Variants in XIAP observed in about 807,000 individuals in gnomAD.
XIAP encodes X-linked inhibitor of apoptosis, also known as E3 ubiquitin-protein ligase XIAP.
In XIAP, 3 loss-of-function variants were observed where a neutral mutation model predicts 33.1. The ratio of observed to expected loss-of-function variants is 0.09; its 90% CI spans 0.04 to 0.23. XIAP has a LOEUF of 0.23. XIAP is among the 10% of genes least tolerant of loss of function. XIAP has a pLI of 1.00. For missense variants in XIAP, 264 were observed against 363.0 expected, an observed-to-expected ratio of 0.73 and a Z score of 2.22; for synonymous variants, 98 against 121.3, an observed-to-expected ratio of 0.81 and a Z score of 1.26.
At chrX:123,899,241 G>A (rs1390619628) in intron 5 of XIAP, among the ~76,000 whole-genome samples, 1 of 75,391 alleles carries the variant, frequency 1.3e-5, no homozygotes, top group East Asian at 4.0e-4. Flanking sequence ...ATATGATTTT[G>A]TATATATATA....
intron 1 of XIAP, among the ~76,000 whole-genome samples, chrX:123,884,665 C>A (rs928663827): frequency 9.9e-5 from 11 of 110,755 alleles, no homozygotes; most frequent in Non-Finnish European, 1.3e-4. Flanking sequence ...CTGGGGCAAC[C>A]CTGATTTATG....
chrX:123,893,751 G>A (rs773398122), intron 5 of XIAP, among the ~76,000 whole-genome samples: 2 of 111,615 alleles, frequency 1.8e-5, no homozygotes, highest in Non-Finnish European at 3.8e-5. Context: ...CGAGGCGGGA[G>A]AATCGCTTGA....
rs1228366457 is a variant in XIAP at position 123,913,146 on chromosome X, C to T, written c.*5965C>T. On this transcript the variant is annotated 3_prime_UTR_variant, in exon 7 of 7. Coordinates refer to ENST00000371199, the MANE Select transcript of XIAP (RefSeq NM_001167.4). ...CTAGGGGGTCGTGAAACCAAAACCC[C>T]AGGGATAGCAAGGGACAATTGTATC... The T allele has an allele frequency of 3.1e-6, 1 of 326,632 alleles. No individual in the cohort carries two copies. Among genetic ancestry groups the T allele is most frequent in the Non-Finnish European group, 5.9e-6 (1 of 169,533 alleles). The allele number at this position is 326,632 out of a possible 1,213,427, so 26.9% of individuals were successfully genotyped here.
chrX:123,885,703 C>A lies in XIAP; in HGVS notation c.41C>A (p.Pro14His). 8.3e-7 allele frequency: 1 copy of A among 1,210,243 alleles called. No individual in the cohort carries two copies. Among genetic ancestry groups the A allele is most frequent in the Non-Finnish European group, 1.1e-6 (1 of 894,820 alleles). ...TTTGAAGGATCTAAAACTTGTGTAC[C>A]TGCAGACATCAATAAGGAAGAAGAA... ...NSFEGSKTCVPADINKEEEFV... is the reference protein window; with the variant it reads ...NSFEGSKTCVHADINKEEEFV... The change falls in exon 2 of 7, where the codon CCT becomes CAT. Residue 14 changes from proline (P) to histidine (H), a missense_variant. By Grantham distance (77) the Pro-to-His change is moderately conservative (BLOSUM62 -2). Transcript: ENST00000371199.
chrX:123,913,720 T>C lies in XIAP; in HGVS notation c.*6539T>C, dbSNP rs931143349. On this transcript the variant is annotated 3_prime_UTR_variant, in exon 7 of 7. Coordinates refer to ENST00000371199, the MANE Select transcript of XIAP (RefSeq NM_001167.4). ...TGTAATTTATGTTAGATTTTGCATT[T>C]TTTTCATTACTGTTATATTTTAACC... is the stretch of plus-strand genomic sequence containing the variant. 1 of 321,743 alleles carries C rather than the reference T, an allele frequency of 3.1e-6. No individual in the cohort carries two copies. Among genetic ancestry groups the C allele is most frequent in the African/African-American group, 2.7e-5 (1 of 37,131 alleles). 26.5% of individuals were successfully genotyped at this position (321,743 alleles called of 1,213,427 possible).
At chrX:123,896,839 C>T in intron 5 of XIAP, among the ~76,000 whole-genome samples, 1 of 110,439 alleles carries the variant, frequency 9.1e-6, no homozygotes, top group Non-Finnish European at 1.9e-5. Context: ...ACCTCAGCCT[C>T]CCAAAGTGCT....
intron 6 of XIAP, among the ~76,000 whole-genome samples, chrX:123,903,442 C>T (rs2053532137): frequency 9.2e-6 from 1 of 108,859 alleles, no homozygotes; most frequent in Non-Finnish European, 1.9e-5. Flanking sequence ...CCCGCCTCGG[C>T]CTCATAAAGT....
chrX:123,903,113 G>GA (rs750539232), intron 6 of XIAP, among the ~76,000 whole-genome samples: 5 of 105,938 alleles, frequency 4.7e-5, no homozygotes, highest in African/African-American at 1.0e-4. Flanking sequence ...AAATAATATA[G>GA]AAAAAAATGA....
intron 1 of XIAP, among the ~76,000 whole-genome samples, chrX:123,860,753 C>G (rs1308297062): frequency 9.0e-6 from 1 of 111,599 alleles, no homozygotes; most frequent in Non-Finnish European, 1.9e-5. Flanking sequence ...CCGGCATGTT[C>G]TGTAAAACAA....
Position 123,860,107 on chromosome X carries a change from A to C in XIAP, c.-219A>C. 1 of 329,255 alleles carries C rather than the reference A, an allele frequency of 3.0e-6. No homozygotes were observed. The highest frequency in any genetic ancestry group is 5.9e-6 in the Non-Finnish European group (1 of 169,863). 27.1% of individuals were successfully genotyped at this position (329,255 alleles called of 1,213,427 possible). A position where few individuals can be genotyped will look rare whatever the true frequency, so the allele number is the denominator to read the frequency against. ...TCACGACTCCGGGTTTCTCCAGGGG[A>C]TGGGCCGGCCGGTAGAGGCGCGTGA... On this transcript the variant is annotated 5_prime_UTR_variant, in exon 1 of 7. The change abolishes an upstream ATG in the 5' untranslated region. Coordinates refer to ENST00000371199, the MANE Select transcript of XIAP (RefSeq NM_001167.4).
chrX:123,907,431 A>G lies in XIAP; in HGVS notation c.*250A>G. 2.2e-6 allele frequency: 1 copy of G among 446,594 alleles called. No homozygotes were observed. Among genetic ancestry groups the G allele is most frequent in the South Asian group, 2.9e-5 (1 of 34,832 alleles). 36.8% of individuals were successfully genotyped at this position (446,594 alleles called of 1,213,427 possible). On this transcript the variant is annotated 3_prime_UTR_variant, in exon 7 of 7. Transcript: ENST00000371199. ...CCATAGACTAAGAATAAGAAGCATC[A>G]TACTATAACTGAACACAATGTGTAT... is the stretch of plus-strand genomic sequence containing the variant.
intron 1 of XIAP, among the ~76,000 whole-genome samples, chrX:123,871,608 G>A (rs1425252427): frequency 9.1e-6 from 1 of 109,700 alleles, no homozygotes; most frequent in Non-Finnish European, 1.9e-5. Context: ...ATCCTCCCGA[G>A]TAGCTGGGAC....
chrX:123,884,668 G>C (rs777215345), intron 1 of XIAP, among the ~76,000 whole-genome samples: 15 of 111,135 alleles, frequency 1.3e-4, no homozygotes, highest in African/African-American at 4.9e-4. Context: ...GGGCAACCCT[G>C]ATTTATGCCT....
In XIAP at chrX:123,864,455, G is replaced by GTTT. The variant is rs1162636021; in HGVS notation, c.-33+4186_-33+4188dup. ...ATGGCAAAACAAATGCCTTTCTTCT[G>GTTT]TTTTTTTTTTTTTTTTTTTTTTTTT... On this transcript the variant is annotated intron_variant, in intron 1 of 6. Transcript: ENST00000371199. Among the ~76,000 whole-genome samples the GTTT allele has an allele frequency of 2.6e-3, 129 of 49,589 alleles. 17 individuals are homozygous for GTTT. The highest frequency in any genetic ancestry group is 5.8e-3 in the African/African-American group (69 of 11,981). 43.1% of individuals were successfully genotyped at this position (49,589 alleles called of 115,157 possible). A position where few individuals can be genotyped will look rare whatever the true frequency, so the allele number is the denominator to read the frequency against.
intron 1 of XIAP, among the ~76,000 whole-genome samples, chrX:123,875,840 C>T (rs1180102690): frequency 3.6e-5 from 4 of 110,931 alleles, no homozygotes; most frequent in African/African-American, 9.8e-5. Flanking sequence ...CATGTGCCAC[C>T]ACGCCTGACT....
chrX:123,904,252 AACTC>A (rs1314296198), intron 6 of XIAP, among the ~76,000 whole-genome samples: 1 of 111,350 alleles, frequency 9.0e-6, no homozygotes, highest in African/African-American at 3.3e-5. Flanking sequence ...GTTTGTTTTT[AACTC>A]GTTGTAGCAT....
At position 123,911,539 on chromosome X, in the gene XIAP, G is replaced by A. The variant is rs747968418; in HGVS notation, c.*4358G>A. 11 of 315,306 alleles carry A rather than the reference G, an allele frequency of 3.5e-5. No homozygotes were observed. The highest frequency in any genetic ancestry group is 2.9e-4 in the East Asian group (3 of 10,174). 26.0% of individuals were successfully genotyped at this position (315,306 alleles called of 1,213,427 possible). A position where few individuals can be genotyped will look rare whatever the true frequency, so the allele number is the denominator to read the frequency against. On this transcript the variant is annotated 3_prime_UTR_variant, in exon 7 of 7. Coordinates refer to ENST00000371199, the MANE Select transcript of XIAP (RefSeq NM_001167.4). ...AGGTCAATACAAATGTTAGCCAGGCGTGGTGGCACATGCCCATAGTCGCAG... is the reference window on the plus strand; with the variant it reads ...AGGTCAATACAAATGTTAGCCAGGCATGGTGGCACATGCCCATAGTCGCAG...
intron 1 of XIAP, among the ~76,000 whole-genome samples, chrX:123,876,037 A>G (rs760576915): frequency 9.0e-6 from 1 of 111,562 alleles, no homozygotes; most frequent in Non-Finnish European, 1.9e-5. Context: ...TTTTTAAGAC[A>G]GTGTCTTGAC....
intron 2 of XIAP, among the ~76,000 whole-genome samples, chrX:123,888,004 T>TAATAAATAAATA (rs911261667): frequency 5.9e-4 from 39 of 66,518 alleles, no homozygotes; most frequent in African/African-American, 2.0e-3. Flanking sequence ...TAATAATAAT[T>TAATAAATAAATA]AATAAATAAA....
Sources: allele counts gnomAD v4.1 joint callset (sites outside exome capture counted in the v4.1 genomes callset), GRCh38; gene constraint gnomAD v4.1.1; transcripts MANE v1.5; gene names NCBI Gene and HGNC (gene_info 2026-07-23, HGNC 2026-07-21).